Variants in CDH18 observed in about 807,000 individuals in gnomAD.
CDH18 encodes the protein cadherin-18.
Under a neutral mutation model 67.9 loss-of-function variants are expected in CDH18, and 31 were observed. The observed-to-expected ratio is 0.46, with a 90% CI of 0.34 to 0.62. The LOEUF (loss-of-function observed/expected upper bound fraction) is 0.62, where lower values mean the gene tolerates loss of function less well. CDH18 is among the 20% of genes least tolerant of loss of function. The pLI is 0.01. For synonymous variants in CDH18, 362 were observed against 347.2 expected (o/e 1.04, Z -0.48); for missense variants, 890 against 975.5 (o/e 0.91, Z 1.17).
At chr5:20,140,993 A>T (rs1750199069) in intron 2 of CDH18, among the ~76,000 whole-genome samples, 1 of 152,118 alleles carries the variant, frequency 6.6e-6, no homozygotes, top group African/African-American at 2.4e-5. Flanking sequence ...ATGCATTTGC[A>T]CTTGACTTAT....
chr5:20,414,088 T>C (rs1250780974), intron 1 of CDH18, among the ~76,000 whole-genome samples: 1 of 152,184 alleles, frequency 6.6e-6, no homozygotes, highest in East Asian at 1.9e-4. Context: ...TTATGTACTG[T>C]TACTGGAGAT....
chr5:20,203,390 G>A (rs535048515), intron 2 of CDH18, among the ~76,000 whole-genome samples: 16 of 152,254 alleles, frequency 1.1e-4, no homozygotes, highest in African/African-American at 3.4e-4. Context: ...CATCACACTT[G>A]AGGAGGTATG....
At chr5:19,964,762 G>A (rs912417724) in intron 2 of CDH18, among the ~76,000 whole-genome samples, 7 of 151,146 alleles carry the variant, frequency 4.6e-5, no homozygotes, top group South Asian at 2.1e-4. Flanking sequence ...GGCTAATTCC[G>A]TTATAGAAAT....
intron 2 of CDH18, among the ~76,000 whole-genome samples, chr5:20,034,138 A>C (rs1322506315): frequency 6.6e-6 from 1 of 151,988 alleles, no homozygotes; most frequent in Non-Finnish European, 1.5e-5. Context: ...AAGAATTGTG[A>C]CTGTACATGA....
intron 2 of CDH18, among the ~76,000 whole-genome samples, chr5:20,125,284 T>TTG (rs1363606155): frequency 1.8e-4 from 7 of 38,698 alleles, no homozygotes; most frequent in South Asian, 2.8e-3. Context: ...TAATACAACT[T>TTG]CGTGTGTGTG....
intron 2 of CDH18, among the ~76,000 whole-genome samples, chr5:19,901,679 T>C (rs966816896): frequency 2.1e-4 from 32 of 152,172 alleles, no homozygotes; most frequent in African/African-American, 6.0e-4. Flanking sequence ...TATTTCCTGA[T>C]AGAATTTATA....
Position 20,411,655 on chromosome 5 carries a change from G to GAA in CDH18, c.-579-156152_-579-156151dup, listed in dbSNP as rs371478816. Among the ~76,000 whole-genome samples, 6 of 141,976 alleles carry GAA rather than the reference G, an allele frequency of 4.2e-5. 1 individual carries two copies. The highest frequency in any genetic ancestry group is 4.4e-4 in the South Asian group (2 of 4,504). The allele number at this position is 141,976 out of a possible 152,430, so 93.1% of individuals were successfully genotyped here. On this transcript the variant is annotated intron_variant, in intron 1 of 14. Coordinates refer to the CDH18 transcript ENST00000507958. ...CAGGAAAATAAATAATCAACAAAGT[G>GAA]AAAAAAAAAACAGGCAAAGAATTGT...
At chr5:19,961,482 T>A (rs1002433946) in intron 2 of CDH18, among the ~76,000 whole-genome samples, 1 of 152,234 alleles carries the variant, frequency 6.6e-6, no homozygotes, top group Admixed American at 6.5e-5. Context: ...ATCTGGCACA[T>A]AACTGTATAT....
intron 3 of CDH18, among the ~76,000 whole-genome samples, chr5:19,796,476 C>T (rs1581389900): frequency 6.6e-6 from 1 of 152,086 alleles, no homozygotes; most frequent in Middle Eastern, 3.4e-3. Flanking sequence ...CTGCATGTGG[C>T]AGAAATGCTC....
At chr5:20,279,417 GGC>G (rs1746050544) in intron 1 of CDH18, among the ~76,000 whole-genome samples, 2 of 151,916 alleles carry the variant, frequency 1.3e-5, no homozygotes, top group Non-Finnish European at 2.9e-5. Context: ...TACTATAAGA[GGC>G]TGGGCACCGT....
intron 7 of CDH18, among the ~76,000 whole-genome samples, chr5:19,580,843 A>C (rs1202626522): frequency 6.6e-6 from 1 of 151,958 alleles, no homozygotes; most frequent in Non-Finnish European, 1.5e-5. Flanking sequence ...TAAATAGCAA[A>C]TAAGTAGTGT....
At chr5:20,259,121 A>G (rs141738872) in intron 1 of CDH18, among the ~76,000 whole-genome samples, 1,660 of 152,254 alleles carry the variant, frequency 0.011, 33 homozygotes, top group African/African-American at 0.038. Context: ...AGCTGGAAGG[A>G]TTTGAAGAAG....
intron 1 of CDH18, among the ~76,000 whole-genome samples, chr5:20,293,740 C>G (rs1401539632): frequency 6.6e-6 from 1 of 152,094 alleles, no homozygotes; most frequent in African/African-American, 2.4e-5. Context: ...ATAACCGATG[C>G]TTTTGAAAGT....
chr5:19,581,666 G>C (rs1321966639), intron 7 of CDH18, among the ~76,000 whole-genome samples: 6 of 151,942 alleles, frequency 3.9e-5, no homozygotes, highest in South Asian at 2.1e-4. Context: ...TTCCAAGATT[G>C]GGTAGATAGG....
chr5:19,476,654 G>A (rs3805419), intron 12 of CDH18, among the ~76,000 whole-genome samples: 7,127 of 151,990 alleles, frequency 0.047, 188 homozygotes, highest in African/African-American at 0.067. Flanking sequence ...GTTCTAGATC[G>A]AAAGACCTAT....
intron 8 of CDH18, among the ~76,000 whole-genome samples, chr5:19,544,238 CA>C (rs1435262364): frequency 6.6e-6 from 1 of 151,484 alleles, no homozygotes; most frequent in African/African-American, 2.4e-5. Context: ...AAGGTCTTAC[CA>C]AATTCCATGA....
intron 1 of CDH18, among the ~76,000 whole-genome samples, chr5:20,511,393 T>A (rs75316287): frequency 6.6e-6 from 1 of 152,216 alleles, no homozygotes; most frequent in East Asian, 1.9e-4. Flanking sequence ...GTCCTTCTCA[T>A]AATAAGATAA....
At chr5:20,356,299 C>G (rs111717514) in intron 1 of CDH18, among the ~76,000 whole-genome samples, 3,276 of 152,272 alleles carry the variant, frequency 0.022, 84 homozygotes, top group African/African-American at 0.056. Flanking sequence ...AGGAGAACTG[C>G]TTGAATCCAG....
At chr5:20,524,566 T>G (rs1755932263) in intron 1 of CDH18, among the ~76,000 whole-genome samples, 1 of 152,174 alleles carries the variant, frequency 6.6e-6, no homozygotes, top group African/African-American at 2.4e-5. Context: ...ATTGTTAAAT[T>G]TTTTGTTCAC....
Sources: allele counts gnomAD v4.1 joint callset (sites outside exome capture counted in the v4.1 genomes callset), GRCh38; gene constraint gnomAD v4.1.1; transcripts MANE v1.5; gene names NCBI Gene and HGNC (gene_info 2026-07-23, HGNC 2026-07-21).